EPN2: variants seen among roughly 807,000 people sequenced by gnomAD.
EPN2 encodes epsin-2.
Under a neutral mutation model 61.7 loss-of-function variants are expected in EPN2, and 34 were observed. The observed-to-expected ratio is 0.55, with a 90% CI of 0.42 to 0.73. EPN2 has a LOEUF of 0.73. EPN2 is among the 30% of genes least tolerant of loss of function. The pLI is 0.00. For synonymous variants in EPN2, 349 were observed against 353.6 expected (o/e 0.99, Z 0.15); for missense variants, 714 against 839.2 (o/e 0.85, Z 1.84).
chr17:19,330,773 A>T (rs896699564), intron 9 of EPN2: 4 of 152,466 alleles, frequency 2.6e-5, no homozygotes, highest in Admixed American at 1.3e-4. Flanking sequence ...GCGTGGGAGG[A>T]TTGCTTAAGC....
intron 1 of EPN2, among the ~76,000 whole-genome samples, chr17:19,277,421 AGAG>A (rs1453871389): frequency 2.1e-5 from 3 of 143,910 alleles, no homozygotes; most frequent in Non-Finnish European, 3.0e-5. Context: ...AAAAAAAAAA[AGAG>A]AGAAATAACA....
chr17:19,246,272 C>T (rs1027809052), intron 1 of EPN2, among the ~76,000 whole-genome samples: 1 of 152,122 alleles, frequency 6.6e-6, no homozygotes, highest in Non-Finnish European at 1.5e-5. Flanking sequence ...GCAGGAGGAT[C>T]GCTTGAACTG....
Position 19,290,041 on chromosome 17 carries a change from G to C in EPN2, c.766+4251G>C, listed in dbSNP as rs191915890. On this transcript the variant is annotated intron_variant, in intron 4 of 10. Transcript: ENST00000314728. Reference sequence around the variant, plus strand: ...TAGCCTCTGGCACTCATGTTTACTTGGTGGTCTTGTAATTTCAGACACACC... The same window carrying C: ...TAGCCTCTGGCACTCATGTTTACTTCGTGGTCTTGTAATTTCAGACACACC... Among the ~76,000 whole-genome samples the C allele has an allele frequency of 2.6e-5, 4 of 152,168 alleles. No individual in the cohort carries two copies. The East Asian group carries it at 5.8e-4, about 22-fold the overall frequency.
chr17:19,274,724 C>T (rs1405261429), intron 1 of EPN2, among the ~76,000 whole-genome samples: 6 of 152,184 alleles, frequency 3.9e-5, no homozygotes, highest in Non-Finnish European at 7.3e-5. Flanking sequence ...ACCTGCACTG[C>T]TTGGAACTGT....
rs373948234 is a variant in EPN2, at chr17:19,253,863, G to A, written c.-294+16332G>A. The stretch of plus-strand genomic sequence containing the variant: ...TTTTGAAAGAACTTATAACAGTCGT[G>A]GTGGCTCATACATGTAATACCAGCA... On this transcript the variant is annotated intron_variant, in intron 1 of 10. Coordinates refer to ENST00000314728, the MANE Select transcript of EPN2 (RefSeq NM_014964.5). Among the ~76,000 whole-genome samples, 13 of 152,276 alleles carry A rather than the reference G, an allele frequency of 8.5e-5. No homozygotes were observed. In the East Asian group the frequency reaches 2.3e-3, roughly 27 times the overall value.
At chr17:19,289,521 G>A (rs2045439293) in intron 4 of EPN2, among the ~76,000 whole-genome samples, 1 of 152,032 alleles carries the variant, frequency 6.6e-6, no homozygotes, top group African/African-American at 2.4e-5. Flanking sequence ...AGATGAGGGC[G>A]GCTGTGGGTG....
intron 1 of EPN2, among the ~76,000 whole-genome samples, chr17:19,243,294 G>A (rs746958327): frequency 5.2e-4 from 75 of 145,060 alleles, no homozygotes; most frequent in Non-Finnish European, 1.0e-3. Flanking sequence ...ATCTTGGTTC[G>A]CTGCACTCCA....
intron 9 of EPN2, among the ~76,000 whole-genome samples, chr17:19,330,034 C>T (rs559059706): frequency 2.7e-4 from 41 of 152,326 alleles, no homozygotes; most frequent in African/African-American, 9.6e-4. Context: ...CCAGCCTCTG[C>T]CCTGTGTTGT....
chr17:19,278,071 C>CA (rs141413016), intron 1 of EPN2, among the ~76,000 whole-genome samples: 121,649 of 134,654 alleles, frequency 0.9, 55,093 homozygotes, highest in Middle Eastern at 0.95. Context: ...GACTATGTCT[C>CA]AAAAAAAAAA....
At chr17:19,269,565 T>C (rs1405486054) in intron 1 of EPN2, among the ~76,000 whole-genome samples, 1 of 152,222 alleles carries the variant, frequency 6.6e-6, no homozygotes, top group Non-Finnish European at 1.5e-5. Context: ...TGTGTTGTTA[T>C]TTTGGACCTC....
At chr17:19,304,342 G>T (rs1905714900) in intron 4 of EPN2, among the ~76,000 whole-genome samples, 1 of 152,172 alleles carries the variant, frequency 6.6e-6, no homozygotes, top group Admixed American at 6.5e-5. Flanking sequence ...GCGTTTCACT[G>T]CTGTTCAGTA....
intron 1 of EPN2, among the ~76,000 whole-genome samples, chr17:19,278,372 C>G (rs1054978712): frequency 1.3e-5 from 2 of 152,100 alleles, no homozygotes; most frequent in Non-Finnish European, 2.9e-5. Flanking sequence ...GTTCCACATG[C>G]CTGGAGAGGC....
intron 1 of EPN2, among the ~76,000 whole-genome samples, chr17:19,244,535 G>A (rs566270855): frequency 6.6e-6 from 1 of 152,138 alleles, no homozygotes; most frequent in South Asian, 2.1e-4. Flanking sequence ...ATTCCCACGG[G>A]GCCACTTGGC....
chr17:19,263,388 A>G (rs1417657744), intron 1 of EPN2, among the ~76,000 whole-genome samples: 40 of 152,182 alleles, frequency 2.6e-4, no homozygotes, highest in Admixed American at 2.6e-3. Flanking sequence ...GTTCACTAGT[A>G]AGGAGGGAGT....
chr17:19,290,209 G>A (rs970802641), intron 4 of EPN2, among the ~76,000 whole-genome samples: 2 of 152,184 alleles, frequency 1.3e-5, no homozygotes, highest in Admixed American at 1.3e-4. Flanking sequence ...GGCCCAGGGG[G>A]TTGAGGGATT....
intron 1 of EPN2, among the ~76,000 whole-genome samples, chr17:19,272,532 C>T (rs1314752694): frequency 6.6e-6 from 1 of 152,106 alleles, no homozygotes; most frequent in Non-Finnish European, 1.5e-5. Flanking sequence ...GGGTGAGCAT[C>T]TGGTTTAATT....
At chr17:19,319,623 G>A (rs1343078821) in intron 7 of EPN2, among the ~76,000 whole-genome samples, 1 of 151,598 alleles carries the variant, frequency 6.6e-6, no homozygotes, top group Non-Finnish European at 1.5e-5. Flanking sequence ...GAGCCACCTC[G>A]CCTGGCCCCT....
intron 1 of EPN2, among the ~76,000 whole-genome samples, chr17:19,262,813 AC>A (rs2045156344): frequency 1.3e-5 from 2 of 152,176 alleles, no homozygotes; most frequent in Admixed American, 1.3e-4. Context: ...CCTGTTCTGG[AC>A]ATTCCACATA....
intron 1 of EPN2, among the ~76,000 whole-genome samples, chr17:19,239,994 T>C (rs2152196634): frequency 6.6e-6 from 1 of 152,278 alleles, no homozygotes; most frequent in Admixed American, 6.5e-5. Flanking sequence ...TTTTTTTTTT[T>C]TAACTTTAAT....
Sources: allele counts gnomAD v4.1 joint callset (sites outside exome capture counted in the v4.1 genomes callset), GRCh38; gene constraint gnomAD v4.1.1; transcripts MANE v1.5; gene names NCBI Gene and HGNC (gene_info 2026-07-23, HGNC 2026-07-21).